The following CARD10 variants were observed in gnomAD, a reference collection of about 807,000 sequenced individuals.
CARD10 encodes the protein caspase recruitment domain-containing protein 10.
A neutral mutation model predicts 114.6 loss-of-function variants in CARD10; 49 were observed. That is an observed-to-expected ratio of 0.43 (90% CI 0.34 to 0.54). The LOEUF is 0.54. Ranked by LOEUF, CARD10 falls within the 20% of genes least tolerant of loss-of-function variation. The pLI is 0.03. For synonymous variants in CARD10, 602 were observed against 593.2 expected (o/e 1.01, Z -0.21); for missense variants, 1,206 against 1,397.2 (o/e 0.86, Z 2.18).
intron 15 of CARD10, among the ~76,000 whole-genome samples, 173 bp downstream of exon 15, chr22:37,495,344 G>GCAGA (rs1247144413): frequency 6.6e-6 from 1 of 152,216 alleles, no homozygotes; most frequent in Non-Finnish European, 1.5e-5. Flanking sequence ...AAACTACCCT[G>GCAGA]GACGGTGAGC....
In CARD10 at chr22:37,495,865, C is replaced by A. The variant is rs139374054; in HGVS notation, c.2198G>T (p.Arg733Leu). Residue 733 changes from arginine to leucine, a missense_variant, in exon 14 of 20, where the codon CGA becomes CTA. Arg to Leu is a moderately radical substitution (Grantham distance 102). This residue lies in a region of CARD10 where 1,068 missense variants were observed against 1,179.1 expected (regional missense o/e 0.91). Coordinates refer to ENST00000251973, the MANE Select transcript of CARD10 (RefSeq NM_014550.4). ...ALCVKAQEIL[R>L]LVDSAYKRRQ... ...CCGCTTGTATGCCGAGTCCACCAGT[C>A]GAAGGATCTCTTGGGCTTTCACGCA... is the stretch of plus-strand genomic sequence containing the variant. 1.2e-6 allele frequency: 2 copies of A among 1,614,120 alleles called. No homozygotes were observed. Among genetic ancestry groups the A allele is most frequent in the Non-Finnish European group, 1.7e-6 (2 of 1,180,040 alleles).
chr22:37,491,821 ACCAGCTC>A lies in CARD10; in HGVS notation c.2791_2797del (p.Glu931CysfsTer14), dbSNP rs1278574919. The A allele has an allele frequency of 4.4e-6, 7 of 1,573,084 alleles. No individual in the cohort carries two copies. Among genetic ancestry groups the A allele is most frequent in the Non-Finnish European group, 6.0e-6 (7 of 1,161,798 alleles). On this transcript the variant is annotated frameshift_variant, in exon 19 of 20. Coordinates refer to ENST00000251973, the MANE Select transcript of CARD10 (RefSeq NM_014550.4). LOFTEE classifies it high-confidence loss of function. ...GACGATGGGGTAGATCTCGTTCTGC[ACCAGCTC>A]CCGCACACCCCGAGCACCCAGCTCC...
In CARD10 at chr22:37,506,183, C is replaced by A; in HGVS notation, c.1383+9G>T. Reference sequence around the variant, plus strand: ...CCTGCCAGGACCTCCACAATCTTGACCCGCTCACCTTGAGGCAGGTGCCAC... The same window carrying A: ...CCTGCCAGGACCTCCACAATCTTGAACCGCTCACCTTGAGGCAGGTGCCAC... On this transcript the variant is annotated intron_variant, in intron 7 of 19. Coordinates refer to ENST00000251973, the MANE Select transcript of CARD10 (RefSeq NM_014550.4). 2 of 1,525,876 alleles carry A rather than the reference C, an allele frequency of 1.3e-6. No homozygotes were observed. The highest frequency in any genetic ancestry group is 1.9e-4 in the Middle Eastern group (1 of 5,156). The allele number at this position is 1,525,876 out of a possible 1,614,324, so 94.5% of individuals were successfully genotyped here. A position where few individuals can be genotyped will look rare whatever the true frequency, so the allele number is the denominator to read the frequency against.
chr22:37,504,665 A>G lies in CARD10; in HGVS notation c.1488T>C (p.Ala496=). ...LGGPEATGEA[A]VMGGPEPHNS... is the part of the protein sequence containing the mutation. ...TGTGAGGCTCAGGTCCCCCCATGAC[A>G]GCTGCCTCCCCAGTTGCTTCTGGGC... is the stretch of plus-strand genomic sequence containing the variant. Residue 496 remains alanine (A), a synonymous_variant, in exon 8 of 20, where the codon GCT becomes GCC. Transcript: ENST00000251973. 1.3e-6 allele frequency: 2 copies of G among 1,557,906 alleles called. No homozygotes were observed. Among genetic ancestry groups the G allele is most frequent in the Non-Finnish European group, 1.7e-6 (2 of 1,154,768 alleles).
chr22:37,508,901 C>T, intron 4 of CARD10: 2 of 1,346,436 alleles, frequency 1.5e-6, no homozygotes, highest in Non-Finnish European at 2.0e-6. Context: ...ATCTGGGGTA[C>T]AAGTAAGCTA....
chr22:37,500,639 C>T (rs1398384002), intron 11 of CARD10, among the ~76,000 whole-genome samples: 2 of 152,126 alleles, frequency 1.3e-5, no homozygotes, highest in South Asian at 2.1e-4. Context: ...GCACACAATA[C>T]GGATGTGAGA....
chr22:37,503,489 C>T (rs1348790201), intron 9 of CARD10, among the ~76,000 whole-genome samples: 1 of 152,172 alleles, frequency 6.6e-6, no homozygotes, highest in Non-Finnish European at 1.5e-5. Context: ...ATGCCACCTC[C>T]TCCTGGAAGC....
At chr22:37,510,129 G>T in intron 4 of CARD10, 83 bp downstream of exon 4, 1 of 1,143,986 alleles carries the variant, frequency 8.7e-7, no homozygotes, top group Non-Finnish European at 1.3e-6. Flanking sequence ...CCACCCCGCA[G>T]CCTGTGCCCA....
At position 37,491,926 on chromosome 22, in the gene CARD10, C is replaced by T. The variant is rs527925444; in HGVS notation, c.2752-59G>A. The T allele has an allele frequency of 7.7e-4, 921 of 1,192,308 alleles. 3 individuals are homozygous for T. Among genetic ancestry groups the T allele is most frequent in the South Asian group, 1.5e-3 (121 of 82,280 alleles). 73.9% of individuals were successfully genotyped at this position (1,192,308 alleles called of 1,614,324 possible). Reference sequence around the variant, plus strand: ...GGGCCACAGACATCAGCCTCCCATGCGCTGCCCCCAGACGGGTCCCCTATC... The same window carrying T: ...GGGCCACAGACATCAGCCTCCCATGTGCTGCCCCCAGACGGGTCCCCTATC... On this transcript the variant is annotated intron_variant, in intron 18 of 19. Transcript: ENST00000251973.
intron 9 of CARD10, 74 bp from the exon 10 acceptor site, chr22:37,503,287 C>T: frequency 2.9e-6 from 4 of 1,401,664 alleles, no homozygotes; most frequent in Non-Finnish European, 2.9e-6. Context: ...CCTCCTCCTG[C>T]CCCCACACCA....
chr22:37,517,791 T>A (rs768627134), intron 2 of CARD10, among the ~76,000 whole-genome samples, 180 bp downstream of exon 2: 2 of 152,204 alleles, frequency 1.3e-5, no homozygotes, highest in Non-Finnish European at 2.9e-5. Flanking sequence ...ATAACGGCAC[T>A]AGCACCCAGC....
At chr22:37,497,230 CA>C in intron 11 of CARD10, 52 bp from the exon 12 acceptor site, 1 of 1,555,036 alleles carries the variant, frequency 6.4e-7, no homozygotes, top group Non-Finnish European at 8.7e-7. Context: ...TACTTGGATT[CA>C]GTTCAGCATT....
intron 4 of CARD10, chr22:37,509,254 G>A (rs900364671): frequency 4.0e-6 from 4 of 988,516 alleles, no homozygotes; most frequent in Non-Finnish European, 5.6e-6. Context: ...ACCTGCCGCA[G>A]GACACTAAGC....
chr22:37,496,901 C>T lies in CARD10; in HGVS notation c.1947+118G>A, dbSNP rs904362621. The T allele has an allele frequency of 1.3e-5, 16 of 1,234,414 alleles. No individual in the cohort carries two copies. The highest frequency in any genetic ancestry group is 1.2e-4 in the Admixed American group (5 of 41,716). The allele number at this position is 1,234,414 out of a possible 1,614,324, so 76.5% of individuals were successfully genotyped here. On this transcript the variant is annotated intron_variant, in intron 12 of 19. Coordinates refer to ENST00000251973, the MANE Select transcript of CARD10 (RefSeq NM_014550.4). The surrounding 1 kb of genome is among the most constrained non-coding windows in gnomAD (Gnocchi z 4.1). ...CCACAGCTAATCACTGAGCCCGCTT[C>T]GGCTTTGACCAATCCCCAGAAGCTC...
At chr22:37,510,705 T>G in intron 3 of CARD10, 2 of 440,176 alleles carry the variant, frequency 4.5e-6, no homozygotes, top group Non-Finnish European at 8.2e-6. Context: ...ACACGCTGTC[T>G]GTCCCGCACT....
Position 37,491,939 on chromosome 22 carries a change from C to G in CARD10, c.2752-72G>C. The G allele has an allele frequency of 9.7e-6, 10 of 1,032,496 alleles. No homozygotes were observed. In the South Asian group the frequency reaches 1.3e-4, roughly 13 times the overall value. The allele number at this position is 1,032,496 out of a possible 1,614,324, so 64.0% of individuals were successfully genotyped here. ...CAGCCTCCCATGCGCTGCCCCCAGA[C>G]GGGTCCCCTATCACCGCCTTCCCAG... On this transcript the variant is annotated intron_variant, in intron 18 of 19. Transcript: ENST00000251973.
In CARD10 at chr22:37,492,792, C is replaced by G. The variant is rs1009641311; in HGVS notation, c.2487G>C (p.Arg829=). The change falls in exon 17 of 20, where the codon CGG becomes CGC. Residue 829 remains arginine, a synonymous_variant. Transcript: ENST00000251973. The surrounding 1 kb of genome is among the most constrained non-coding windows in gnomAD (Gnocchi z 5.7). The part of the protein sequence containing the change: ...LLLEPCAEPE[R]SLRPYSLVRP... Reference sequence around the variant, plus strand: ...GCACCAAACTGTAGGGTCTGAGGCTCCGCTCCGGCTCTGTGGCAGGGGAGG... The same window carrying G: ...GCACCAAACTGTAGGGTCTGAGGCTGCGCTCCGGCTCTGTGGCAGGGGAGG... The G allele has an allele frequency of 1.9e-6, 3 of 1,611,550 alleles. No individual in the cohort carries two copies. The highest frequency in any genetic ancestry group is 2.7e-5 in the African/African-American group (2 of 74,874).
Position 37,495,605 on chromosome 22 carries a change from T to A in CARD10, c.2304-19A>T. ...CTGGGCTCTGTGGGAGGGAGTGACA[T>A]CATGTGTGTAGAAAGAAGGAAAGCT... is the stretch of plus-strand genomic sequence containing the variant. On this transcript the variant is annotated intron_variant, in intron 14 of 19. Transcript: ENST00000251973. 2 of 1,613,208 alleles carry A rather than the reference T, an allele frequency of 1.2e-6. No individual in the cohort carries two copies. The highest frequency in any genetic ancestry group is 1.7e-6 in the Non-Finnish European group (2 of 1,179,590).
rs1923027775 is a variant in CARD10 at position 37,496,993 on chromosome 22, C to G, written c.1947+26G>C. ...CTGGGCAAAAGCACTGACCCTACCC[C>G]CCCAGCTCAGGAGGCAGGGCCTCAC... On this transcript the variant is annotated intron_variant, in intron 12 of 19. Transcript: ENST00000251973. The surrounding 1 kb of genome is among the most constrained non-coding windows in gnomAD (Gnocchi z 4.1). The G allele has an allele frequency of 6.3e-7, 1 of 1,580,932 alleles. No homozygotes were observed. Among genetic ancestry groups the G allele is most frequent in the Non-Finnish European group, 8.6e-7 (1 of 1,165,076 alleles).
Sources: gnomAD v4.1 joint callset for allele counts (sites outside exome capture counted in the v4.1 genomes callset) on GRCh38, gnomAD v4.1.1 for gene constraint, gnomAD v4.1.1 regional missense constraint, Gnocchi (gnomAD v3.1) non-coding constraint, MANE v1.5 for transcripts, NCBI Gene and HGNC (gene_info 2026-07-23, HGNC 2026-07-21) for gene names.